ATP2C1: variants seen among roughly 807,000 people sequenced by gnomAD.
ATP2C1 encodes the protein calcium-transporting ATPase type 2C member 1.
Under a neutral mutation model 120.5 loss-of-function variants are expected in ATP2C1, and 31 were observed. That is an observed-to-expected ratio of 0.26 (90% CI 0.19 to 0.35). ATP2C1 has a LOEUF of 0.35. ATP2C1 is among the 10% of genes least tolerant of loss of function. ATP2C1 has a pLI of 1.00. For missense variants in ATP2C1, 731 were observed against 1,107.5 expected, an observed-to-expected ratio of 0.66 and a Z score of 4.83; for synonymous variants, 351 against 358.7, an observed-to-expected ratio of 0.98 and a Z score of 0.24.
At chr3:130,966,560 A>C (rs181543753) in intron 14 of ATP2C1, among the ~76,000 whole-genome samples, 266 of 152,130 alleles carry the variant, frequency 1.7e-3, no homozygotes, top group Middle Eastern at 3.4e-3. Flanking sequence ...ACACCTGGCC[A>C]CTAAATTGTA....
At position 130,863,091 on chromosome 3, in the gene ATP2C1, C is replaced by T. The variant is rs62280749; in HGVS notation, c.108+12163C>T. ...ACCCAGCTCTGGAGGAAAGGTGTAA[C>T]CAAAAAAAATGGTATTACACTATAA... is the stretch of plus-strand genomic sequence containing the variant. On this transcript the variant is annotated intron_variant, in intron 1 of 26. Coordinates refer to the ATP2C1 transcript ENST00000504381. Among the ~76,000 whole-genome samples the T allele has an allele frequency of 5.8e-3, 874 of 151,602 alleles. 12 individuals are homozygous for T. Among genetic ancestry groups the T allele is most frequent in the African/African-American group, 0.02 (820 of 41,328 alleles).
At chr3:130,933,708 T>C (rs989539973) in intron 4 of ATP2C1, among the ~76,000 whole-genome samples, 4 of 152,236 alleles carry the variant, frequency 2.6e-5, no homozygotes, top group African/African-American at 9.6e-5. Flanking sequence ...CTGGGCCTTA[T>C]GCCTAAAGAT....
Position 131,001,479 on chromosome 3 carries a change from G to A in ATP2C1, c.*129G>A, listed in dbSNP as rs554808944. ...TCATTGACTAAAAATGAACATTAAT[G>A]TTAAAGACTTAAGACTTTAACCTGC... On this transcript the variant is annotated 3_prime_UTR_variant, in exon 28 of 28. Coordinates refer to ENST00000510168, the MANE Select transcript of ATP2C1 (RefSeq NM_001378687.1). The A allele has an allele frequency of 7.8e-6, 11 of 1,409,376 alleles. No homozygotes were observed. The African/African-American group carries it at 1.5e-4, about 19-fold the overall frequency. 87.3% of individuals were successfully genotyped at this position (1,409,376 alleles called of 1,614,324 possible).
chr3:130,921,079 CTTTTT>C (rs1170193033), intron 2 of ATP2C1, among the ~76,000 whole-genome samples: 1 of 128,562 alleles, frequency 7.8e-6, no homozygotes. Context: ...AGTTTTCTTT[CTTTTT>C]TTTTTTTTTT....
Position 130,979,214 on chromosome 3 carries a change from TTTTTGTTGTTGTTTGGA to T in ATP2C1, c.1571-30_1571-14del. ...TTCTGATGTTTTCATGACTCACTTT[TTTTTGTTGTTGTTTGGA>T]TTTTATTATTTCCTAAGTTCTTGCT... On this transcript the variant is annotated intron_variant, in intron 18 of 27. Transcript: ENST00000510168. 6.2e-7 allele frequency: 1 copy of T among 1,610,728 alleles called. No individual in the cohort carries two copies. The highest frequency in any genetic ancestry group is 8.5e-7 in the Non-Finnish European group (1 of 1,177,376).
intron 2 of ATP2C1, among the ~76,000 whole-genome samples, chr3:130,912,240 A>T (rs1274824494): frequency 1.5e-5 from 2 of 136,850 alleles, no homozygotes; most frequent in Non-Finnish European, 3.1e-5. Context: ...ACAAAAGACA[A>T]AATTGACAAA....
At chr3:130,890,752 T>C (rs114838884), upstream of ATP2C1, among the ~76,000 whole-genome samples, 77 of 152,358 alleles carry the variant, frequency 5.1e-4, no homozygotes, top group African/African-American at 1.9e-3. Context: ...TGGTAGATGT[T>C]TGTTAGGAAC....
chr3:130,959,459 C>A, intron 12 of ATP2C1, 118 bp downstream of exon 12: 1 of 659,808 alleles, frequency 1.5e-6, no homozygotes, highest in Non-Finnish European at 2.7e-6. Flanking sequence ...AGTATAACAT[C>A]GCTACATAAA....
At chr3:131,013,557 C>T (rs1036497602) in intron 26 of ATP2C1, among the ~76,000 whole-genome samples, 1 of 152,338 alleles carries the variant, frequency 6.6e-6, no homozygotes, top group Admixed American at 6.5e-5. Context: ...ACCTAAAGTG[C>T]TCTTCAATCC....
intron 2 of ATP2C1, among the ~76,000 whole-genome samples, chr3:130,903,010 T>G (rs1364541170): frequency 6.6e-6 from 1 of 152,062 alleles, no homozygotes; most frequent in Non-Finnish European, 1.5e-5. Flanking sequence ...TCTTTGCTGC[T>G]ATTTCTTTCC....
upstream of ATP2C1, chr3:130,894,044 C>A (rs1576611227): frequency 1.0e-6 from 1 of 986,298 alleles, no homozygotes; most frequent in African/African-American, 1.7e-5. This position sits in a 1 kb window ranked among gnomAD's most constrained non-coding sequence, Gnocchi z 4.5. Context: ...GGGCGGCCGG[C>A]GGCGGGGAGG....
chr3:131,007,711 C>G (rs1198008793), downstream of ATP2C1, among the ~76,000 whole-genome samples: 1 of 152,032 alleles, frequency 6.6e-6, no homozygotes, highest in Non-Finnish European at 1.5e-5. Context: ...ACCAAAGTGC[C>G]CTTTAGTTGA....
In ATP2C1 at chr3:130,979,295, T is replaced by A. The variant is rs746475403; in HGVS notation, c.1617T>A (p.Leu539=). Residue 539 remains leucine, a synonymous_variant, in exon 19 of 28, where the codon CTT becomes CTA. Transcript: ENST00000510168. The part of the protein sequence containing the change: ...SGPELGQLTF[L]GLVGIIDPPR... The stretch of plus-strand genomic sequence containing the variant: ...CTGAACTGGGACAGCTGACATTTCT[T>A]GGCTTGGTGGGAATCATTGATCCAC... 15 of 1,613,640 alleles carry A rather than the reference T, an allele frequency of 9.3e-6. No homozygotes were observed. In the East Asian group the frequency reaches 3.1e-4, roughly 34 times the overall value.
chr3:130,953,177 G>C (rs1165289417), intron 8 of ATP2C1, among the ~76,000 whole-genome samples: 1 of 149,548 alleles, frequency 6.7e-6, no homozygotes, highest in Non-Finnish European at 1.5e-5. Context: ...TCTTTTTTCT[G>C]TATGCTTGGG....
rs756642579 is a variant in ATP2C1, at chr3:130,959,303, G to A, written c.861G>A (p.Leu287=). Reference sequence around the variant, plus strand: ...TCATCATGTTGGTTGGCTGGTTACTGGGAAAAGATATCCTGGAAATGTTTA... The same window carrying A: ...TCATCATGTTGGTTGGCTGGTTACTAGGAAAAGATATCCTGGAAATGTTTA... ...IGIIMLVGWL[L]GKDILEMFTI... is the part of the protein sequence containing the mutation. The change falls in exon 12 of 28, where the codon CTG becomes CTA. Residue 287 remains leucine (L), a synonymous_variant. Transcript: ENST00000510168. 2.8e-5 allele frequency: 45 copies of A among 1,609,128 alleles called. No homozygotes were observed. The highest frequency in any genetic ancestry group is 3.5e-5 in the Non-Finnish European group (41 of 1,176,280).
intron 2 of ATP2C1, among the ~76,000 whole-genome samples, chr3:130,909,872 A>G (rs1276107597): frequency 2.6e-5 from 4 of 151,428 alleles, no homozygotes; most frequent in African/African-American, 9.7e-5. Flanking sequence ...TTATATTTAT[A>G]TTTATTTATT....
chr3:130,884,640 C>G (rs1311267052), intron 1 of ATP2C1, among the ~76,000 whole-genome samples: 1 of 152,200 alleles, frequency 6.6e-6, no homozygotes, highest in Non-Finnish European at 1.5e-5. Context: ...CTATCTCTCT[C>G]TTTAGCTCTA....
intron 26 of ATP2C1, chr3:131,016,058 T>A (rs1353873836): frequency 6.8e-7 from 1 of 1,474,328 alleles, no homozygotes; most frequent in South Asian, 1.2e-5. Context: ...TTTTTTTAAG[T>A]AACTTTGTTG....
At chr3:130,975,907 A>G (rs2061512942) in intron 18 of ATP2C1, among the ~76,000 whole-genome samples, 1 of 152,210 alleles carries the variant, frequency 6.6e-6, no homozygotes, top group Admixed American at 6.5e-5. Flanking sequence ...ACTGTTCACC[A>G]GGGAGGTAAA....
Sources: allele counts gnomAD v4.1 joint callset (sites outside exome capture counted in the v4.1 genomes callset), GRCh38; gene constraint gnomAD v4.1.1; non-coding constraint Gnocchi (gnomAD v3.1); transcripts MANE v1.5; gene names NCBI Gene and HGNC (gene_info 2026-07-23, HGNC 2026-07-21).